The following DMD variants were observed in gnomAD, a reference collection of about 807,000 sequenced individuals.
DMD encodes the protein dystrophin.
Under a neutral mutation model 330.1 loss-of-function variants are expected in DMD, and 63 were observed. The observed-to-expected ratio is 0.19, with a 90% CI of 0.16 to 0.24. The LOEUF (loss-of-function observed/expected upper bound fraction) is 0.24, where lower values mean the gene tolerates loss of function less well. Among genes scored for constraint, DMD ranks in the 10% least tolerant of loss-of-function variants. DMD has a pLI of 1.00. For missense variants in DMD, 3,344 were observed against 2,684.1 expected (o/e 1.25, Z -5.43); for synonymous variants, 1,223 against 959.8 (o/e 1.27, Z -5.07).
intron 54 of DMD, among the ~76,000 whole-genome samples, chrX:31,654,715 A>C (rs1421644839): frequency 9.0e-6 from 1 of 111,272 alleles, no homozygotes; most frequent in Non-Finnish European, 1.9e-5. Flanking sequence ...TGATGAGAAC[A>C]CATGGACACG....
intron 1 of DMD, among the ~76,000 whole-genome samples, chrX:33,235,620 T>G (rs1353917552): frequency 9.0e-6 from 1 of 111,129 alleles, no homozygotes; most frequent in Non-Finnish European, 1.9e-5. Context: ...AGGGACTTAT[T>G]TTATCAACAT....
chrX:31,168,768 T>C (rs755418098), intron 74 of DMD, among the ~76,000 whole-genome samples: 2 of 112,124 alleles, frequency 1.8e-5, no homozygotes, highest in Non-Finnish European at 3.8e-5. Context: ...ATAAATGTAA[T>C]ACAGAACTGA....
chrX:32,283,582 T>C (rs1239621732), intron 43 of DMD, among the ~76,000 whole-genome samples: 1 of 111,559 alleles, frequency 9.0e-6, no homozygotes, highest in Non-Finnish European at 1.9e-5. Context: ...GCCACTACAA[T>C]GAAGAACAAA....
chrX:33,155,799 G>GAA (rs767019506), intron 1 of DMD, among the ~76,000 whole-genome samples: 2 of 100,302 alleles, frequency 2.0e-5, no homozygotes, highest in Admixed American at 1.1e-4. Flanking sequence ...TCTCTACAAA[G>GAA]AAAAAAAAAA....
chrX:32,198,607 T>A (rs1365239496), intron 44 of DMD, among the ~76,000 whole-genome samples: 1 of 112,055 alleles, frequency 8.9e-6, no homozygotes, highest in Non-Finnish European at 1.9e-5. Context: ...AAAAATTCAC[T>A]CATTATAGAA....
At chrX:32,660,986 A>G (rs2060906164) in intron 9 of DMD, among the ~76,000 whole-genome samples, 1 of 111,412 alleles carries the variant, frequency 9.0e-6, no homozygotes, top group Admixed American at 9.6e-5. Flanking sequence ...AATAAATAAG[A>G]GAGAGGCCTG....
intron 55 of DMD, among the ~76,000 whole-genome samples, chrX:31,601,591 C>CT (rs941458064): frequency 9.0e-6 from 1 of 111,538 alleles, no homozygotes; most frequent in Non-Finnish European, 1.9e-5. Flanking sequence ...TACAAATCTC[C>CT]TTTGTCTCTT....
chrX:32,103,522 G>A (rs1170071416), intron 44 of DMD, among the ~76,000 whole-genome samples: 1 of 111,559 alleles, frequency 9.0e-6, no homozygotes, highest in African/African-American at 3.3e-5. Flanking sequence ...CGAAACAATC[G>A]ATTCCTAAAG....
At chrX:33,074,148 G>A (rs2021642) in intron 1 of DMD, among the ~76,000 whole-genome samples, 36,318 of 110,640 alleles carry the variant, frequency 0.33, 5,855 homozygotes, top group African/African-American at 0.63. Flanking sequence ...CCATTCTTCA[G>A]CCAGTTATAC....
At chrX:32,231,908 A>C (rs566681981) in intron 43 of DMD, among the ~76,000 whole-genome samples, 6 of 109,970 alleles carry the variant, frequency 5.5e-5, no homozygotes, top group Admixed American at 1.9e-4. Flanking sequence ...AGAAAGAAAA[A>C]AATTCCAATT....
At chrX:32,715,060 A>G (rs978857679) in intron 7 of DMD, among the ~76,000 whole-genome samples, 20 of 111,528 alleles carry the variant, frequency 1.8e-4, no homozygotes, top group African/African-American at 5.9e-4. Context: ...TTTATCCCAC[A>G]TATTTGCTAC....
intron 2 of DMD, among the ~76,000 whole-genome samples, chrX:33,009,383 CGTGTATAT>C (rs753467403): frequency 2.9e-4 from 7 of 23,873 alleles, no homozygotes; most frequent in African/African-American, 1.3e-3. Context: ...TGTATATACA[CGTGTATAT>C]ATGTGTGTAT....
At chrX:32,328,338 C>T (rs2148704331) in intron 41 of DMD, among the ~76,000 whole-genome samples, 1 of 111,288 alleles carries the variant, frequency 9.0e-6, no homozygotes, top group African/African-American at 3.3e-5. Context: ...AAGAAAATAC[C>T]ATTTTGGTAC....
intron 29 of DMD, among the ~76,000 whole-genome samples, chrX:32,433,724 A>G (rs113411767): frequency 8.9e-6 from 1 of 111,970 alleles, no homozygotes; most frequent in Non-Finnish European, 1.9e-5. Context: ...TCATAAGGCT[A>G]TTGTGAGAAC....
At chrX:31,985,737 G>A (rs2095504644) in intron 44 of DMD, among the ~76,000 whole-genome samples, 1 of 111,958 alleles carries the variant, frequency 8.9e-6, no homozygotes, top group Non-Finnish European at 1.9e-5. Context: ...GTACATACAC[G>A]GAATAAACAC....
Position 31,321,607 on chromosome X carries a change from A to AAAAAAAAAAAAAAAAAAAAGAAAG in DMD, c.9224+1990_9224+1991insCTTTCTTTTTTTTTTTTTTTTTTT, listed in dbSNP as rs1388525572. ...TCAAAAAAAAAAAAAAAAAAAAAAA[A>AAAAAAAAAAAAAAAAAAAAGAAAG]AAAGAAAGAAACCAAGATTTTTATA... On this transcript the variant is annotated intron_variant, in intron 62 of 78. Transcript: ENST00000357033. Among the ~76,000 whole-genome samples, 29 of 89,259 alleles carry AAAAAAAAAAAAAAAAAAAAGAAAG rather than the reference A, an allele frequency of 3.2e-4. 1 individual carries two copies. Among genetic ancestry groups the AAAAAAAAAAAAAAAAAAAAGAAAG allele is most frequent in the African/African-American group, 7.7e-4 (13 of 16,981 alleles). The allele number at this position is 89,259 out of a possible 115,157, so 77.5% of individuals were successfully genotyped here.
intron 2 of DMD, among the ~76,000 whole-genome samples, chrX:32,856,283 T>C (rs2081550344): frequency 8.9e-6 from 1 of 111,818 alleles, no homozygotes; most frequent in African/African-American, 3.3e-5. Flanking sequence ...AGAACTACCA[T>C]ATAATCCAGC....
chrX:32,733,630 C>T (rs1432149492), intron 7 of DMD, among the ~76,000 whole-genome samples: 2 of 111,677 alleles, frequency 1.8e-5, no homozygotes, highest in Non-Finnish European at 3.8e-5. Context: ...CGCTCAACTA[C>T]ATGGAAACTG....
intron 1 of DMD, among the ~76,000 whole-genome samples, chrX:33,232,692 A>T (rs768532523): frequency 9.0e-6 from 1 of 111,348 alleles, no homozygotes; most frequent in African/African-American, 3.3e-5. Flanking sequence ...GGAGTTTGAG[A>T]CCAGCATGGT....
Sources: gnomAD v4.1 joint callset for allele counts (sites outside exome capture counted in the v4.1 genomes callset) on GRCh38, gnomAD v4.1.1 for gene constraint, MANE v1.5 for transcripts, NCBI Gene and HGNC (gene_info 2026-07-23, HGNC 2026-07-21) for gene names.